Variants in PCDH11X observed in about 807,000 individuals in gnomAD.
PCDH11X encodes the protein protocadherin 11 X-linked, also known as protocadherin-11 X-linked.
A neutral mutation model predicts 53.3 loss-of-function variants in PCDH11X; 18 were observed. That is an observed-to-expected ratio of 0.34 (90% CI 0.23 to 0.50). The LOEUF is 0.50. Ranked by LOEUF, PCDH11X falls within the 20% of genes least tolerant of loss-of-function variation. The pLI, the probability that PCDH11X is intolerant of heterozygous loss-of-function variation, is 0.98. For missense variants in PCDH11X, 570 were observed against 1,032.4 expected, an observed-to-expected ratio of 0.55 and a Z score of 6.14; for synonymous variants, 279 against 393.3, an observed-to-expected ratio of 0.71 and a Z score of 3.44.
chrX:91,891,950 GA>G (rs1190409332), intron 6 of PCDH11X, among the ~76,000 whole-genome samples: 1 of 91,207 alleles, frequency 1.1e-5, no homozygotes, highest in Non-Finnish European at 2.2e-5. Flanking sequence ...AAAAGAAAAA[GA>G]AAAAAAGCAC....
At chrX:92,222,497 G>A (rs747883075) in intron 7 of PCDH11X, among the ~76,000 whole-genome samples, 100 of 111,220 alleles carry the variant, frequency 9.0e-4, no homozygotes, top group Non-Finnish European at 1.3e-3. Flanking sequence ...AGAGCATCCC[G>A]ATCTCCCTAC....
intron 9 of PCDH11X, among the ~76,000 whole-genome samples, chrX:92,446,297 C>T (rs2072643876): frequency 9.0e-6 from 1 of 110,946 alleles, no homozygotes; most frequent in Non-Finnish European, 1.9e-5. Context: ...CATGTACTAT[C>T]TAGAATATTG....
chrX:92,317,791 G>A (rs1227012157), intron 8 of PCDH11X, among the ~76,000 whole-genome samples: 1 of 111,317 alleles, frequency 9.0e-6, no homozygotes, highest in Non-Finnish European at 1.9e-5. Flanking sequence ...TTGAAATTTA[G>A]CAAGTTACAT....
chrX:92,443,066 C>T (rs2072549654), intron 9 of PCDH11X, among the ~76,000 whole-genome samples: 1 of 105,316 alleles, frequency 9.5e-6, no homozygotes. Context: ...TCCATAGCCT[C>T]ACCAGCATCT....
At chrX:91,780,662 G>A (rs892359410) in intron 1 of PCDH11X, among the ~76,000 whole-genome samples, 2 of 112,567 alleles carry the variant, frequency 1.8e-5, no homozygotes, top group African/African-American at 6.4e-5. Context: ...GCGATAAAAC[G>A]GCTCTTTTTT....
chrX:92,148,080 TTCTTTCTTTC>T (rs2065340099), intron 6 of PCDH11X, among the ~76,000 whole-genome samples: 2 of 14,278 alleles, frequency 1.4e-4, no homozygotes, highest in Non-Finnish European at 2.4e-4. Flanking sequence ...CTTTCTTTCT[TTCTTTCTTTC>T]TTTCTTTCTT....
intron 6 of PCDH11X, among the ~76,000 whole-genome samples, chrX:92,138,478 A>G (rs1384910140): frequency 9.0e-6 from 1 of 111,053 alleles, no homozygotes; most frequent in Non-Finnish European, 1.9e-5. Flanking sequence ...AAGAATAAAA[A>G]TACTTTAAAA....
chrX:91,904,164 G>T (rs1240100059), intron 6 of PCDH11X, among the ~76,000 whole-genome samples: 2 of 111,082 alleles, frequency 1.8e-5, no homozygotes, highest in Admixed American at 1.9e-4. Flanking sequence ...AATAGTATAT[G>T]ATAAAGCTAT....
intron 6 of PCDH11X, among the ~76,000 whole-genome samples, chrX:91,956,034 A>T (rs1166370454): frequency 2.7e-5 from 3 of 109,620 alleles, no homozygotes; most frequent in Non-Finnish European, 3.8e-5. Flanking sequence ...TTTTAAATCC[A>T]TATTGGTTTA....
intron 9 of PCDH11X, among the ~76,000 whole-genome samples, chrX:92,406,375 G>A (rs185159335): frequency 1.7e-4 from 18 of 106,267 alleles, no homozygotes; most frequent in African/African-American, 4.5e-4. Flanking sequence ...AACTACTTAG[G>A]TAATGTCTAA....
At chrX:92,257,985 C>T (rs1432774641) in intron 7 of PCDH11X, among the ~76,000 whole-genome samples, 2 of 112,443 alleles carry the variant, frequency 1.8e-5, no homozygotes, top group Admixed American at 9.4e-5. Flanking sequence ...GAGCAGGCTT[C>T]TTCCTGGAAA....
chrX:91,830,033 A>T (rs1253757395), intron 4 of PCDH11X, among the ~76,000 whole-genome samples: 1 of 111,109 alleles, frequency 9.0e-6, no homozygotes, highest in Non-Finnish European at 1.9e-5. Context: ...TATTTTTGCC[A>T]TGAAGAATGA....
At chrX:92,347,816 A>G (rs1387953993) in intron 8 of PCDH11X, among the ~76,000 whole-genome samples, 4 of 112,078 alleles carry the variant, frequency 3.6e-5, no homozygotes, top group Non-Finnish European at 5.6e-5. Flanking sequence ...TTCCACAGAA[A>G]TAGTTGGGTC....
intron 6 of PCDH11X, among the ~76,000 whole-genome samples, chrX:92,108,630 T>C (rs2148152162): frequency 8.9e-6 from 1 of 112,024 alleles, no homozygotes; most frequent in Non-Finnish European, 1.9e-5. Flanking sequence ...ATGGCTGGTT[T>C]TTGATAGAAG....
chrX:91,892,501 C>T (rs1474441481), intron 6 of PCDH11X, among the ~76,000 whole-genome samples: 2 of 110,638 alleles, frequency 1.8e-5, no homozygotes, highest in Non-Finnish European at 3.8e-5. Context: ...CCTTGCCATG[C>T]ACCTCATATT....
intron 4 of PCDH11X, among the ~76,000 whole-genome samples, chrX:91,824,763 A>G (rs370226742): frequency 6.5e-5 from 7 of 108,266 alleles, no homozygotes; most frequent in Non-Finnish European, 1.1e-4. Flanking sequence ...GCTTTTTAGA[A>G]TTTCCAGTTT....
At chrX:92,202,027 T>A (rs903249325) in intron 7 of PCDH11X, among the ~76,000 whole-genome samples, 9 of 111,392 alleles carry the variant, frequency 8.1e-5, no homozygotes, top group Non-Finnish European at 1.7e-4. Context: ...AGAGCAGGAA[T>A]AACAGGAAGC....
intron 10 of PCDH11X, among the ~76,000 whole-genome samples, chrX:92,510,351 G>A (rs1401238883): frequency 2.0e-5 from 2 of 101,455 alleles, no homozygotes; most frequent in African/African-American, 7.0e-5. Flanking sequence ...CTTTAGCTGT[G>A]TCAACATGAT....
At chrX:92,590,816 C>G (rs1246594649) in intron 10 of PCDH11X, among the ~76,000 whole-genome samples, 3 of 110,542 alleles carry the variant, frequency 2.7e-5, no homozygotes, top group East Asian at 5.8e-4. Flanking sequence ...GAAAGTCCAG[C>G]AGGCTTAACT....
Sources: gnomAD v4.1 joint callset for allele counts (sites outside exome capture counted in the v4.1 genomes callset) on GRCh38, gnomAD v4.1.1 for gene constraint, MANE v1.5 for transcripts, NCBI Gene and HGNC (gene_info 2026-07-23, HGNC 2026-07-21) for gene names.